The following MYLK4 variants were observed in gnomAD, a reference collection of about 807,000 sequenced individuals.
MYLK4 encodes myosin light chain kinase family member 4.
MYLK4 carries 46 observed loss-of-function variants against 48.1 expected under a neutral mutation model. The ratio of observed to expected loss-of-function variants is 0.96; its 90% CI spans 0.75 to 1.22. The LOEUF is 1.22. Ranked by LOEUF, MYLK4 falls within the 50% of genes most tolerant of loss-of-function variation. The pLI, the probability that MYLK4 is intolerant of heterozygous loss-of-function variation, is 0.00. For synonymous variants in MYLK4, 170 were observed against 180.8 expected (o/e 0.94, Z 0.48); for missense variants, 451 against 486.1 (o/e 0.93, Z 0.68).
At chr6:2,693,908 C>T (rs1444978382) in intron 2 of MYLK4, among the ~76,000 whole-genome samples, 3 of 152,050 alleles carry the variant, frequency 2.0e-5, no homozygotes, top group Non-Finnish European at 2.9e-5. Flanking sequence ...CAGGCATGTA[C>T]CACCATGCCT....
At chr6:2,762,658 A>G in the MYLK4 span, among the ~76,000 whole-genome samples, 1 of 152,232 alleles carries the variant, frequency 6.6e-6, no homozygotes, top group Non-Finnish European at 1.5e-5. Flanking sequence ...CTCGCAGTCA[A>G]TGAGTTTTTA....
the MYLK4 span, chr6:2,765,712 G>T: frequency 1.3e-6 from 2 of 1,544,986 alleles, no homozygotes; most frequent in Middle Eastern, 2.0e-4. Flanking sequence ...TGCCCGCCGC[G>T]CACATCAACT....
intron 2 of MYLK4, among the ~76,000 whole-genome samples, chr6:2,733,767 T>C (rs1582112190): frequency 2.6e-5 from 4 of 152,196 alleles, no homozygotes; most frequent in African/African-American, 9.6e-5. Context: ...TGGATTCCCT[T>C]CAACAGCACG....
At chr6:2,702,894 T>G (rs1203906250) in intron 2 of MYLK4, among the ~76,000 whole-genome samples, 1 of 152,316 alleles carries the variant, frequency 6.6e-6, no homozygotes, top group Admixed American at 6.5e-5. Flanking sequence ...CCTCAATATA[T>G]GAAGAACATG....
chr6:2,683,012 C>T lies in MYLK4; in HGVS notation c.687+9G>A, dbSNP rs1427387903. On this transcript the variant is annotated intron_variant, in intron 7 of 12. Transcript: ENST00000274643. Reference sequence around the variant, plus strand: ...GGCTTACGTCTCACAGGATACAAAACACCCTTACCTTCAGGTCCAAGTGGA... The same window carrying T: ...GGCTTACGTCTCACAGGATACAAAATACCCTTACCTTCAGGTCCAAGTGGA... 13 of 1,614,066 alleles carry T rather than the reference C, an allele frequency of 8.1e-6. No homozygotes were observed. The highest frequency in any genetic ancestry group is 1.0e-5 in the Non-Finnish European group (12 of 1,180,024).
At chr6:2,754,735 A>G (rs1274458361), upstream of MYLK4, among the ~76,000 whole-genome samples, 2 of 152,222 alleles carry the variant, frequency 1.3e-5, no homozygotes, top group Middle Eastern at 3.2e-3. Flanking sequence ...AAAGGAGAGG[A>G]AAAAACTGAA....
chr6:2,691,832 G>T (rs1761814599), intron 3 of MYLK4, among the ~76,000 whole-genome samples: 1 of 152,104 alleles, frequency 6.6e-6, no homozygotes, highest in African/African-American at 2.4e-5. Flanking sequence ...AGAAAATGTG[G>T]CCATGAAAAA....
At chr6:2,757,534 T>C in the MYLK4 span, among the ~76,000 whole-genome samples, 1 of 151,934 alleles carries the variant, frequency 6.6e-6, no homozygotes, top group Non-Finnish European at 1.5e-5. Context: ...GATATCATCA[T>C]AACATTATTT....
upstream of MYLK4, among the ~76,000 whole-genome samples, chr6:2,752,549 CAG>C (rs1764322114): frequency 6.6e-6 from 1 of 152,044 alleles, no homozygotes; most frequent in South Asian, 2.1e-4. Flanking sequence ...ACTTGAAAGA[CAG>C]AGTGAACATT....
chr6:2,717,455 G>A (rs963722788), intron 2 of MYLK4, among the ~76,000 whole-genome samples: 1 of 152,186 alleles, frequency 6.6e-6, no homozygotes, highest in Admixed American at 6.5e-5. Flanking sequence ...GCCAGGGAAC[G>A]TACAATATGG....
rs1480996740 is a variant in MYLK4, at chr6:2,678,139, T to A, written c.1040+81A>T. 7.3e-6 allele frequency: 11 copies of A among 1,511,354 alleles called. No individual in the cohort carries two copies. In the Admixed American group the frequency reaches 1.8e-4, roughly 24 times the overall value. The allele number at this position is 1,511,354 out of a possible 1,614,324, so 93.6% of individuals were successfully genotyped here. A position where few individuals can be genotyped will look rare whatever the true frequency, so the allele number is the denominator to read the frequency against. ...AGCATCACAGATGTTAGTAAGAGAATAAATTCGAACAGCCCTGGTGGTAGG... is the reference window on the plus strand; with the variant it reads ...AGCATCACAGATGTTAGTAAGAGAAAAAATTCGAACAGCCCTGGTGGTAGG... On this transcript the variant is annotated intron_variant, in intron 10 of 12. Coordinates refer to ENST00000274643, the MANE Select transcript of MYLK4 (RefSeq NM_001012418.5).
intron 9 of MYLK4, 84 bp downstream of exon 9, chr6:2,679,196 T>A (rs1342351522): frequency 6.6e-7 from 1 of 1,508,910 alleles, no homozygotes; most frequent in Non-Finnish European, 9.1e-7. Context: ...AATACCCCAA[T>A]TGGGGCTTTT....
chr6:2,715,425 A>G (rs1269859943), intron 2 of MYLK4, among the ~76,000 whole-genome samples: 2 of 152,104 alleles, frequency 1.3e-5, no homozygotes, highest in Non-Finnish European at 2.9e-5. Flanking sequence ...TTTTACTACA[A>G]TTTTTTTAAG....
chr6:2,725,603 G>GAGAAAGAGAAAGAAAGAAAC (rs1561868269), intron 2 of MYLK4, among the ~76,000 whole-genome samples: 18 of 145,276 alleles, frequency 1.2e-4, no homozygotes, highest in African/African-American at 4.2e-4. Context: ...AAGAAAGAAA[G>GAGAAAGAGAAAGAAAGAAAC]AAACAAACAA....
chr6:2,737,971 C>T (rs1311511607), intron 2 of MYLK4, among the ~76,000 whole-genome samples: 3 of 1,360 alleles, frequency 2.2e-3, no homozygotes, highest in Admixed American at 0.01. Flanking sequence ...GGTGGGGTGC[C>T]GGGGGCGGGT....
At chr6:2,763,889 G>C in the MYLK4 span, among the ~76,000 whole-genome samples, 10 of 152,104 alleles carry the variant, frequency 6.6e-5, no homozygotes, top group Admixed American at 3.9e-4. Context: ...GCTCATGCCT[G>C]TAATCCCAGC....
intron 2 of MYLK4, among the ~76,000 whole-genome samples, chr6:2,737,297 G>A (rs1001372438): frequency 6.6e-6 from 1 of 152,260 alleles, no homozygotes; most frequent in Non-Finnish European, 1.5e-5. Flanking sequence ...TGGCGACAGA[G>A]CGAGACGCCA....
the MYLK4 span, among the ~76,000 whole-genome samples, chr6:2,764,203 C>T: frequency 2.0e-5 from 3 of 152,170 alleles, no homozygotes; most frequent in Admixed American, 2.0e-4. Flanking sequence ...TAACTTGTTT[C>T]TCTAGCGTTT....
chr6:2,723,059 A>AG (rs760909940), intron 2 of MYLK4, among the ~76,000 whole-genome samples: 5 of 152,028 alleles, frequency 3.3e-5, no homozygotes, highest in African/African-American at 9.7e-5. Flanking sequence ...TGGGAGGCTG[A>AG]GGGGGGAGGA....
Sources: gnomAD v4.1 joint callset for allele counts (sites outside exome capture counted in the v4.1 genomes callset) on GRCh38, gnomAD v4.1.1 for gene constraint, MANE v1.5 for transcripts, NCBI Gene and HGNC (gene_info 2026-07-23, HGNC 2026-07-21) for gene names.